TAFA2: variants seen among roughly 807,000 people sequenced by gnomAD.
TAFA2 encodes TAFA chemokine like family member 2, also known as chemokine-like protein TAFA-2.
In TAFA2, 7 loss-of-function variants were observed where a neutral mutation model predicts 18.8. The ratio of observed to expected loss-of-function variants is 0.37; its 90% CI spans 0.21 to 0.70. TAFA2 has a LOEUF of 0.70. TAFA2 is among the 30% of genes least tolerant of loss of function. The pLI is 0.53. For missense variants in TAFA2, 122 were observed against 158.1 expected (o/e 0.77, Z 1.23); for synonymous variants, 60 against 54.2 (o/e 1.11, Z -0.47).
intron 1 of TAFA2, among the ~76,000 whole-genome samples, chr12:62,251,894 T>G (rs1011466005): frequency 6.6e-6 from 1 of 152,212 alleles, no homozygotes; most frequent in African/African-American, 2.4e-5. Flanking sequence ...ATAAATTCTT[T>G]AGTCATGAAG....
intron 4 of TAFA2, among the ~76,000 whole-genome samples, chr12:61,714,331 G>A (rs1180993364): frequency 6.6e-6 from 1 of 152,092 alleles, no homozygotes; most frequent in Non-Finnish European, 1.5e-5. Flanking sequence ...AGCCAGTTTG[G>A]TAAGTGAAAC....
At chr12:62,018,128 T>C (rs1214754548) in intron 1 of TAFA2, among the ~76,000 whole-genome samples, 1 of 152,142 alleles carries the variant, frequency 6.6e-6, no homozygotes, top group Non-Finnish European at 1.5e-5. Flanking sequence ...AGTAAATGAG[T>C]ACTGAGCATT....
chr12:62,218,143 G>A (rs540846184), intron 1 of TAFA2, among the ~76,000 whole-genome samples: 16 of 151,824 alleles, frequency 1.1e-4, no homozygotes, highest in Admixed American at 2.0e-4. Flanking sequence ...CTACAGGCAC[G>A]CACCGTCACA....
intron 1 of TAFA2, among the ~76,000 whole-genome samples, chr12:62,240,305 GC>G (rs2062856789): frequency 6.6e-6 from 1 of 151,644 alleles, no homozygotes; most frequent in South Asian, 2.1e-4. Context: ...TGTAATCCCA[GC>G]TACTCTGGAG....
chr12:61,969,400 A>C (rs1434733835), intron 1 of TAFA2, among the ~76,000 whole-genome samples: 1 of 151,696 alleles, frequency 6.6e-6, no homozygotes, highest in Non-Finnish European at 1.5e-5. Flanking sequence ...TAAATAACTA[A>C]AAAGAATCCT....
chr12:61,961,541 TA>T (rs1266444674), intron 1 of TAFA2, among the ~76,000 whole-genome samples: 2 of 152,010 alleles, frequency 1.3e-5, no homozygotes, highest in Non-Finnish European at 2.9e-5. Context: ...TATATAAATT[TA>T]ATGTCTATAA....
intron 1 of TAFA2, among the ~76,000 whole-genome samples, chr12:62,077,506 G>A (rs1227185225): frequency 6.6e-6 from 1 of 152,226 alleles, no homozygotes; most frequent in Admixed American, 6.5e-5. Context: ...ACGAGGATCA[G>A]CATCAAGTGT....
chr12:61,832,954 T>C (rs980347210), intron 2 of TAFA2, among the ~76,000 whole-genome samples: 1 of 150,628 alleles, frequency 6.6e-6, no homozygotes, highest in African/African-American at 2.4e-5. Flanking sequence ...AATACATCTT[T>C]GTTGAGCATC....
chr12:62,247,520 G>A (rs1321978017), intron 1 of TAFA2, among the ~76,000 whole-genome samples: 1 of 152,184 alleles, frequency 6.6e-6, no homozygotes, highest in Non-Finnish European at 1.5e-5. Flanking sequence ...TACAACTCAT[G>A]TCATGTTCAA....
At chr12:62,162,222 C>T (rs2062411524) in intron 1 of TAFA2, among the ~76,000 whole-genome samples, 1 of 152,170 alleles carries the variant, frequency 6.6e-6, no homozygotes, top group South Asian at 2.1e-4. Flanking sequence ...CCAGCTTCAG[C>T]AAGCATCTCG....
At chr12:62,174,046 C>T (rs1321948234) in intron 1 of TAFA2, among the ~76,000 whole-genome samples, 4 of 152,338 alleles carry the variant, frequency 2.6e-5, no homozygotes, top group South Asian at 2.1e-4. Flanking sequence ...AATGCCAGCA[C>T]TTTGGGAGGC....
intron 2 of TAFA2, among the ~76,000 whole-genome samples, chr12:61,818,452 C>T (rs932686458): frequency 6.6e-6 from 1 of 151,546 alleles, no homozygotes; most frequent in African/African-American, 2.4e-5. Flanking sequence ...AGATTCCCTA[C>T]AGCCTAGGTG....
In TAFA2 at chr12:61,780,627, G is replaced by C. The variant is rs181053894; in HGVS notation, c.107-25603C>G. Among the ~76,000 whole-genome samples, 173 of 151,610 alleles carry C rather than the reference G, an allele frequency of 1.1e-3. 3 individuals are homozygous for C. In the East Asian group the frequency reaches 0.032, roughly 28 times the overall value. The stretch of plus-strand genomic sequence containing the variant: ...TCAAGAAAGACAGGGCCCTGTTGCT[G>C]TCTCTGTGGGAGGGTAGGAGCCTAA... On this transcript the variant is annotated intron_variant, in intron 2 of 4. Transcript: ENST00000416284.
At chr12:61,783,593 T>C (rs1406958578) in intron 2 of TAFA2, among the ~76,000 whole-genome samples, 1 of 151,644 alleles carries the variant, frequency 6.6e-6, no homozygotes, top group Non-Finnish European at 1.5e-5. Context: ...TATTCTTTAT[T>C]TCTTATCCCA....
intron 1 of TAFA2, among the ~76,000 whole-genome samples, chr12:61,925,926 A>G (rs1231307119): frequency 6.6e-6 from 1 of 152,198 alleles, no homozygotes; most frequent in Non-Finnish European, 1.5e-5. Flanking sequence ...GTTTTTTGAA[A>G]AGATTAACAA....
At chr12:62,104,558 C>A (rs1047151606) in intron 1 of TAFA2, among the ~76,000 whole-genome samples, 16 of 152,158 alleles carry the variant, frequency 1.1e-4, no homozygotes, top group African/African-American at 3.6e-4. Flanking sequence ...AGCATTAAAC[C>A]AAAATGGAAT....
intron 1 of TAFA2, among the ~76,000 whole-genome samples, chr12:62,106,408 G>T (rs557750876): frequency 6.6e-6 from 1 of 151,986 alleles, no homozygotes; most frequent in Non-Finnish European, 1.5e-5. Flanking sequence ...AAACTATAAA[G>T]GTTTAAGGCG....
intron 1 of TAFA2, among the ~76,000 whole-genome samples, chr12:62,051,344 T>G (rs1174049496): frequency 6.6e-6 from 1 of 152,160 alleles, no homozygotes; most frequent in Non-Finnish European, 1.5e-5. Context: ...AATGCCAATT[T>G]TATAGCTAAT....
chr12:61,966,111 A>T (rs1344738105), intron 1 of TAFA2, among the ~76,000 whole-genome samples: 1 of 151,816 alleles, frequency 6.6e-6, no homozygotes, highest in Non-Finnish European at 1.5e-5. Flanking sequence ...GTACCGTTTT[A>T]CTTTCCCATC....
Sources: gnomAD v4.1 joint callset for allele counts (sites outside exome capture counted in the v4.1 genomes callset) on GRCh38, gnomAD v4.1.1 for gene constraint, MANE v1.5 for transcripts, NCBI Gene and HGNC (gene_info 2026-07-23, HGNC 2026-07-21) for gene names.